The following UBE2Q2 variants were observed in gnomAD, a reference collection of about 807,000 sequenced individuals.
UBE2Q2 encodes ubiquitin-conjugating enzyme E2 Q2.
UBE2Q2 carries 54 observed loss-of-function variants against 59.9 expected under a neutral mutation model. The observed-to-expected ratio is 0.90, with a 90% CI of 0.72 to 1.13. UBE2Q2 has a LOEUF of 1.13. Among genes scored for constraint, UBE2Q2 ranks in the 50% most tolerant of loss-of-function variants. The probability of loss-of-function intolerance (pLI) is 0.00; values close to 1 mark genes in which losing one functional copy is unlikely to be tolerated. For missense variants in UBE2Q2, 433 were observed against 441.9 expected (o/e 0.98, Z 0.18); for synonymous variants, 165 against 155.2 (o/e 1.06, Z -0.47).
At chr15:75,892,808 C>T (rs1372218220) in intron 11 of UBE2Q2, among the ~76,000 whole-genome samples, 4 of 152,070 alleles carry the variant, frequency 2.6e-5, no homozygotes, top group Non-Finnish European at 4.4e-5. Context: ...CCCAGGAGAC[C>T]GAGGCTGCAC....
chr15:75,877,659 T>C (rs1163569331), intron 6 of UBE2Q2, among the ~76,000 whole-genome samples: 1 of 152,196 alleles, frequency 6.6e-6, no homozygotes, highest in Non-Finnish European at 1.5e-5. Flanking sequence ...TGTAGAAATG[T>C]GTGTTCATGG....
intron 6 of UBE2Q2, 58 bp from the exon 7 acceptor site, chr15:75,877,903 C>T: frequency 6.6e-7 from 1 of 1,513,590 alleles, no homozygotes; most frequent in Non-Finnish European, 9.1e-7. Flanking sequence ...ACATTTATAC[C>T]ATAGTAATAG....
intron 10 of UBE2Q2, 35 bp from the exon 11 acceptor site, chr15:75,890,884 C>G: frequency 6.3e-7 from 1 of 1,577,924 alleles, no homozygotes; most frequent in South Asian, 1.1e-5. Context: ...ATCAGAAATA[C>G]TACTGTATTT....
At chr15:75,855,872 C>A (rs778566580) in intron 2 of UBE2Q2, among the ~76,000 whole-genome samples, 2 of 152,128 alleles carry the variant, frequency 1.3e-5, no homozygotes, top group Non-Finnish European at 2.9e-5. Context: ...TGTCACTTAT[C>A]GCCATGTCTT....
At position 75,900,202 on chromosome 15, in the gene UBE2Q2, A is replaced by G. The variant is rs1199695698; in HGVS notation, c.*744A>G. The G allele has an allele frequency of 3.3e-5, 5 of 152,338 alleles. No individual in the cohort carries two copies. The South Asian group carries it at 6.2e-4, about 19-fold the overall frequency. The allele number at this position is 152,338 out of a possible 1,614,324, so 9.4% of individuals were successfully genotyped here. ...ACAAGAGCCACAGTACAGAGCTTCA[A>G]GTTATTTAAAATACTAAGTCATCTT... On this transcript the variant is annotated 3_prime_UTR_variant, in exon 13 of 13. Transcript: ENST00000267938.
At chr15:75,892,076 G>A (rs1899139576) in intron 11 of UBE2Q2, among the ~76,000 whole-genome samples, 1 of 152,184 alleles carries the variant, frequency 6.6e-6, no homozygotes, top group African/African-American at 2.4e-5. Flanking sequence ...AGGGTAGGAG[G>A]AAGTGAGTCA....
intron 3 of UBE2Q2, among the ~76,000 whole-genome samples, chr15:75,863,143 A>G (rs766914961): frequency 7.2e-5 from 11 of 152,096 alleles, no homozygotes; most frequent in Non-Finnish European, 1.3e-4. Context: ...TATCTGTCCC[A>G]CTTTCTGGGG....
chr15:75,868,401 A>G (rs533314099), intron 3 of UBE2Q2, among the ~76,000 whole-genome samples: 31 of 152,320 alleles, frequency 2.0e-4, no homozygotes, highest in African/African-American at 7.5e-4. Flanking sequence ...TTTTGTTGTA[A>G]AATGTTTTTA....
chr15:75,867,077 G>A (rs557822232), intron 3 of UBE2Q2, among the ~76,000 whole-genome samples: 31 of 152,086 alleles, frequency 2.0e-4, no homozygotes, highest in Non-Finnish European at 4.0e-4. Context: ...TTCTACTGTG[G>A]CCTCCCCCTC....
At chr15:75,861,613 G>T (rs962459525) in intron 3 of UBE2Q2, among the ~76,000 whole-genome samples, 6 of 151,996 alleles carry the variant, frequency 3.9e-5, no homozygotes, top group African/African-American at 1.5e-4. Context: ...CTCTTGTCTT[G>T]AGTCTTGTAT....
chr15:75,851,899 G>A (rs1253007595), intron 1 of UBE2Q2, among the ~76,000 whole-genome samples: 1 of 152,064 alleles, frequency 6.6e-6, no homozygotes, highest in African/African-American at 2.4e-5. Context: ...TTGAGACAGG[G>A]CCTTGTTCTG....
chr15:75,887,714 T>C (rs1447123157), intron 9 of UBE2Q2, among the ~76,000 whole-genome samples: 1 of 152,150 alleles, frequency 6.6e-6, no homozygotes, highest in African/African-American at 2.4e-5. Flanking sequence ...TGAGACACAT[T>C]GTGCTCACAG....
At chr15:75,848,086 T>C (rs1029468435) in intron 1 of UBE2Q2, among the ~76,000 whole-genome samples, 3 of 152,210 alleles carry the variant, frequency 2.0e-5, no homozygotes, top group Non-Finnish European at 4.4e-5. Context: ...AGTAAGTCAC[T>C]TCTTTTACTG....
intron 12 of UBE2Q2, 25 bp from the exon 13 acceptor site, chr15:75,899,402 C>CTTT: frequency 2.4e-6 from 3 of 1,226,786 alleles, no homozygotes; most frequent in East Asian, 3.0e-5. Context: ...ATTATTTTAA[C>CTTT]TTTTTTTTTT....
chr15:75,899,543 T>C lies in UBE2Q2; in HGVS notation c.*85T>C, dbSNP rs56670053. The C allele has an allele frequency of 5.0e-3, 5,561 of 1,104,078 alleles. 215 individuals carry two copies. The African/African-American group carries it at 0.076, about 15-fold the overall frequency. 68.4% of individuals were successfully genotyped at this position (1,104,078 alleles called of 1,614,324 possible). ...CAGACAAAAGCTTTGAGTGCCCCTA[T>C]TACAGCAGTACCGAAGATGTTAGTT... is the stretch of plus-strand genomic sequence containing the variant. On this transcript the variant is annotated 3_prime_UTR_variant, in exon 13 of 13. Coordinates refer to ENST00000267938, the MANE Select transcript of UBE2Q2 (RefSeq NM_173469.4).
intron 8 of UBE2Q2, among the ~76,000 whole-genome samples, chr15:75,882,837 C>T (rs1898508230): frequency 6.6e-6 from 1 of 151,876 alleles, no homozygotes; most frequent in South Asian, 2.1e-4. Context: ...ACCTAAGGAG[C>T]CGGAGACTTA....
At chr15:75,865,376 G>A (rs562444280) in intron 3 of UBE2Q2, among the ~76,000 whole-genome samples, 1 of 152,160 alleles carries the variant, frequency 6.6e-6, no homozygotes, top group East Asian at 1.9e-4. Flanking sequence ...TTGCATTGCT[G>A]TATTTATTCC....
In UBE2Q2 at chr15:75,873,580, T is replaced by C; in HGVS notation, c.588+12T>C. The stretch of plus-strand genomic sequence containing the variant: ...AAGACCATTTAAATGTAAGTGTGTG[T>C]AGATATCTAGAACCTGGACTTTTGT... On this transcript the variant is annotated intron_variant, in intron 5 of 12. Coordinates refer to ENST00000267938, the MANE Select transcript of UBE2Q2 (RefSeq NM_173469.4). The C allele has an allele frequency of 6.2e-7, 1 of 1,603,482 alleles. No homozygotes were observed. The highest frequency in any genetic ancestry group is 8.5e-7 in the Non-Finnish European group (1 of 1,176,800).
Position 75,890,483 on chromosome 15 carries a change from G to T in UBE2Q2, c.933G>T (p.Gln311His), listed in dbSNP as rs1024747127. Residue 311 changes from glutamine to histidine, a missense_variant and splice_region_variant, in exon 10 of 13, where the codon CAG (glutamine) becomes CAT (histidine). Physicochemically the swap from Gln to His is conservative, Grantham distance 24 (BLOSUM62 0). Transcript: ENST00000267938. ...GALCMELLTK[Q>H]GWSSAYSIES... is the part of the protein sequence containing the mutation. ...TATGTATGGAACTTCTCACAAAACA[G>T]GTGACTTTTCTTACGATACTCCATT... is the stretch of plus-strand genomic sequence containing the variant. 7.5e-6 allele frequency: 12 copies of T among 1,608,734 alleles called. No individual in the cohort carries two copies. Among genetic ancestry groups the T allele is most frequent in the Non-Finnish European group, 8.5e-6 (10 of 1,178,782 alleles).
Sources: gnomAD v4.1 joint callset for allele counts (sites outside exome capture counted in the v4.1 genomes callset) on GRCh38, gnomAD v4.1.1 for gene constraint, MANE v1.5 for transcripts, NCBI Gene and HGNC (gene_info 2026-07-23, HGNC 2026-07-21) for gene names.